PPM1D: variants seen among roughly 807,000 people sequenced by gnomAD.
PPM1D encodes protein phosphatase 1D.
Under a neutral mutation model 58.3 loss-of-function variants are expected in PPM1D, and 52 were observed. The ratio of observed to expected loss-of-function variants is 0.89; its 90% CI spans 0.71 to 1.12. PPM1D has a LOEUF of 1.12. PPM1D is among the 50% of genes most tolerant of loss of function. The probability of loss-of-function intolerance (pLI) is 0.00; values close to 1 mark genes in which losing one functional copy is unlikely to be tolerated. For synonymous variants in PPM1D, 278 were observed against 285.1 expected, an observed-to-expected ratio of 0.98 and a Z score of 0.25; for missense variants, 564 against 777.2, an observed-to-expected ratio of 0.73 and a Z score of 3.26.
chr17:60,631,444 G>A (rs906086186), intron 2 of PPM1D, among the ~76,000 whole-genome samples: 1 of 152,032 alleles, frequency 6.6e-6, no homozygotes. Context: ...TTCGAGACCA[G>A]CCTGGCTAAT....
At chr17:60,659,177 T>C (rs1297292848) in intron 5 of PPM1D, among the ~76,000 whole-genome samples, 1 of 152,224 alleles carries the variant, frequency 6.6e-6, no homozygotes, top group African/African-American at 2.4e-5. Flanking sequence ...AAATTGTTTT[T>C]GGTTTGTTTT....
chr17:60,602,838 G>A (rs1289660888), intron 1 of PPM1D, among the ~76,000 whole-genome samples: 1 of 143,348 alleles, frequency 7.0e-6, no homozygotes, highest in Non-Finnish European at 1.5e-5. Context: ...CAAAGGAAAC[G>A]AAGGTTTAAA....
At chr17:60,647,847 A>G (rs375558472) in intron 3 of PPM1D, 45 bp from the exon 4 acceptor site, 324 of 1,523,450 alleles carry the variant, frequency 2.1e-4, no homozygotes, top group Non-Finnish European at 2.7e-4. Context: ...TTGTACTATT[A>G]GCTTCCAACT....
intron 1 of PPM1D, among the ~76,000 whole-genome samples, chr17:60,619,445 T>C (rs1463981660): frequency 3.3e-5 from 5 of 152,164 alleles, no homozygotes; most frequent in African/African-American, 1.2e-4. Flanking sequence ...TTTTTAGATA[T>C]ATTTTTAATT....
intron 3 of PPM1D, among the ~76,000 whole-genome samples, chr17:60,639,819 T>A (rs1334223082): frequency 6.6e-6 from 1 of 152,200 alleles, no homozygotes; most frequent in Admixed American, 6.5e-5. Flanking sequence ...AAAGTGATAT[T>A]TGAACTGAGT....
intron 1 of PPM1D, among the ~76,000 whole-genome samples, chr17:60,613,482 C>T (rs978487763): frequency 2.0e-5 from 3 of 152,244 alleles, no homozygotes; most frequent in African/African-American, 4.8e-5. Flanking sequence ...TGGCTCTCAG[C>T]GCCTCCTCAG....
In PPM1D at chr17:60,656,782, T is replaced by C. The variant is rs2031447509; in HGVS notation, c.1201T>C (p.Tyr401His). Residue 401 changes from tyrosine to histidine, a missense_variant, in exon 5 of 6, where the codon TAT becomes CAT. Around this residue, in one of 7 missense-constraint regions of PPM1D, gnomAD observed 261 missense variants for 270.1 expected, o/e 0.97. Coordinates refer to ENST00000305921, the MANE Select transcript of PPM1D (RefSeq NM_003620.4). ...LYLNLTDSPS[Y>H]NSQETCVMTP... ...CCTGAACCTGACTGACAGCCCTTCCTATAATAGTCAAGAAACCTGTGTGAT... is the reference window on the plus strand; with the variant it reads ...CCTGAACCTGACTGACAGCCCTTCCCATAATAGTCAAGAAACCTGTGTGAT... 2 of 1,614,090 alleles carry C rather than the reference T, an allele frequency of 1.2e-6. No individual in the cohort carries two copies. Among genetic ancestry groups the C allele is most frequent in the African/African-American group, 2.7e-5 (2 of 74,934 alleles).
At chr17:60,634,924 G>T (rs149560074) in intron 3 of PPM1D, among the ~76,000 whole-genome samples, 1 of 152,054 alleles carries the variant, frequency 6.6e-6, no homozygotes, top group Non-Finnish European at 1.5e-5. Context: ...GGGACTACAG[G>T]TGTGAGCCAC....
chr17:60,648,775 T>TC, intron 4 of PPM1D, among the ~76,000 whole-genome samples: 1 of 150,590 alleles, frequency 6.6e-6, no homozygotes, highest in South Asian at 2.1e-4. Context: ...TTTTTTTTTT[T>TC]CTGACTGTCT....
At chr17:60,629,592 A>G (rs1487674098) in intron 2 of PPM1D, among the ~76,000 whole-genome samples, 1 of 152,214 alleles carries the variant, frequency 6.6e-6, no homozygotes, top group Non-Finnish European at 1.5e-5. Flanking sequence ...TGCAAATTAT[A>G]AACAGAATTC....
intron 2 of PPM1D, among the ~76,000 whole-genome samples, chr17:60,631,015 G>A (rs1219806862): frequency 6.6e-6 from 1 of 152,170 alleles, no homozygotes; most frequent in East Asian, 1.9e-4. Context: ...TTTAACTCTT[G>A]TTATGATCAA....
At chr17:60,648,753 T>C (rs1332172795) in intron 4 of PPM1D, among the ~76,000 whole-genome samples, 1 of 148,920 alleles carries the variant, frequency 6.7e-6, no homozygotes, top group Admixed American at 6.7e-5. Context: ...CCATCACCAC[T>C]ACTACTTTTT....
At chr17:60,602,800 A>AG (rs2030245866) in intron 1 of PPM1D, among the ~76,000 whole-genome samples, 1 of 136,734 alleles carries the variant, frequency 7.3e-6, no homozygotes, top group Non-Finnish European at 1.6e-5. Context: ...AAAAAAAAAA[A>AG]GTATGCTAAT....
chr17:60,642,546 G>T (rs745934163), intron 3 of PPM1D, among the ~76,000 whole-genome samples: 33 of 151,852 alleles, frequency 2.2e-4, no homozygotes, highest in Non-Finnish European at 1.6e-4. Flanking sequence ...GCAACCTCTG[G>T]CTCCTGGGTT....
intron 1 of PPM1D, among the ~76,000 whole-genome samples, chr17:60,611,464 C>G (rs1364495184): frequency 6.6e-6 from 1 of 151,726 alleles, no homozygotes; most frequent in African/African-American, 2.4e-5. Flanking sequence ...GGGTCTTGCT[C>G]TGTCACCCAG....
chr17:60,620,537 G>T (rs537629692), intron 1 of PPM1D, among the ~76,000 whole-genome samples: 83 of 151,008 alleles, frequency 5.5e-4, no homozygotes, highest in African/African-American at 2.0e-3. Context: ...TTGTTTGTTT[G>T]TTTTTTTGAG....
intron 5 of PPM1D, among the ~76,000 whole-genome samples, chr17:60,658,684 C>T (rs1040109406): frequency 1.8e-4 from 28 of 151,624 alleles, no homozygotes; most frequent in African/African-American, 6.8e-4. Flanking sequence ...AAATTCTGGG[C>T]TGGGCGTGGT....
At chr17:60,614,050 C>T (rs911915545) in intron 1 of PPM1D, among the ~76,000 whole-genome samples, 1 of 77,568 alleles carries the variant, frequency 1.3e-5, no homozygotes, top group Admixed American at 1.6e-4. Flanking sequence ...TGGCAGGCAG[C>T]TCCACCTGCG....
chr17:60,638,949 ATT>A (rs2031079119), intron 3 of PPM1D, among the ~76,000 whole-genome samples: 1 of 152,090 alleles, frequency 6.6e-6, no homozygotes, highest in Admixed American at 6.6e-5. Flanking sequence ...CTGGAATTGC[ATT>A]TTGAGTCTTG....
Sources: allele counts gnomAD v4.1 joint callset (sites outside exome capture counted in the v4.1 genomes callset), GRCh38; gene constraint gnomAD v4.1.1; regional missense constraint gnomAD v4.1.1; transcripts MANE v1.5; gene names NCBI Gene and HGNC (gene_info 2026-07-23, HGNC 2026-07-21).